HDAC8: variants seen among roughly 807,000 people sequenced by gnomAD.
HDAC8 encodes histone deacetylase-like 1.
A neutral mutation model predicts 32.2 loss-of-function variants in HDAC8; 1 was observed. The ratio of observed to expected loss-of-function variants is 0.03; its 90% CI spans 0.01 to 0.15. The LOEUF is 0.15. Among genes scored for constraint, HDAC8 ranks in the 10% least tolerant of loss-of-function variants. HDAC8 has a pLI of 1.00. For synonymous variants in HDAC8, 108 were observed against 113.9 expected (o/e 0.95, Z 0.33); for missense variants, 117 against 300.0 (o/e 0.39, Z 4.51).
intron 9 of HDAC8, among the ~76,000 whole-genome samples, chrX:72,443,863 G>A (rs1161037223): frequency 4.6e-5 from 5 of 109,285 alleles, no homozygotes; most frequent in Admixed American, 9.7e-5. Context: ...TATCACCACC[G>A]ATCACACAGA....
At chrX:72,378,472 G>A (rs1429257875) in intron 9 of HDAC8, among the ~76,000 whole-genome samples, 2 of 111,920 alleles carry the variant, frequency 1.8e-5, no homozygotes, top group East Asian at 2.8e-4. Flanking sequence ...AGCCAGCACC[G>A]TGCTTCTTGA....
At chrX:72,405,645 A>G (rs2046017365) in intron 9 of HDAC8, among the ~76,000 whole-genome samples, 1 of 112,152 alleles carries the variant, frequency 8.9e-6, no homozygotes, top group Admixed American at 9.4e-5. Context: ...TGGCTTTTTA[A>G]TAATAGCCAT....
chrX:72,396,159 C>CTT (rs2045755275), intron 9 of HDAC8, among the ~76,000 whole-genome samples: 1 of 112,166 alleles, frequency 8.9e-6, no homozygotes, highest in African/African-American at 3.2e-5. Flanking sequence ...TTCTGCCCAC[C>CTT]CTCTCACTTC....
intron 9 of HDAC8, among the ~76,000 whole-genome samples, chrX:72,437,833 C>T (rs2046996258): frequency 8.9e-6 from 1 of 112,390 alleles, no homozygotes; most frequent in Admixed American, 9.4e-5. Context: ...AGAAAGGCAG[C>T]AGCCCCAGTC....
chrX:72,336,473 C>A (rs1373747079), intron 10 of HDAC8, among the ~76,000 whole-genome samples: 1 of 112,808 alleles, frequency 8.9e-6, no homozygotes, highest in Admixed American at 9.4e-5. Flanking sequence ...TTTATTGGGA[C>A]ATAACCCCAC....
At chrX:72,497,627 G>A (rs1556013968) in intron 4 of HDAC8, among the ~76,000 whole-genome samples, 1 of 111,291 alleles carries the variant, frequency 9.0e-6, no homozygotes, top group African/African-American at 3.3e-5. Context: ...CAGGTTTACT[G>A]ATTGAATGAG....
intron 9 of HDAC8, among the ~76,000 whole-genome samples, chrX:72,393,974 G>C (rs2045685888): frequency 9.0e-6 from 1 of 110,844 alleles, no homozygotes; most frequent in Admixed American, 9.6e-5. Context: ...AAAGTGGATG[G>C]GGCTTGGCTC....
chrX:72,381,458 C>T (rs192366423), intron 9 of HDAC8, among the ~76,000 whole-genome samples: 18 of 111,434 alleles, frequency 1.6e-4, no homozygotes, highest in Admixed American at 1.1e-3. Flanking sequence ...ACTCTGCATA[C>T]GAAATCCAAT....
intron 4 of HDAC8, among the ~76,000 whole-genome samples, chrX:72,540,197 T>G (rs1422907273): frequency 1.8e-5 from 2 of 112,840 alleles, no homozygotes; most frequent in Non-Finnish European, 3.7e-5. Flanking sequence ...GAGTGTTATC[T>G]TTATCAGCCA....
At chrX:72,488,296 C>G (rs2048747292) in intron 7 of HDAC8, among the ~76,000 whole-genome samples, 1 of 110,785 alleles carries the variant, frequency 9.0e-6, no homozygotes. Context: ...TCTCTGCCAC[C>G]ACTTGTGCCT....
intron 9 of HDAC8, among the ~76,000 whole-genome samples, chrX:72,433,655 A>T (rs2046876909): frequency 8.9e-6 from 1 of 112,205 alleles, no homozygotes; most frequent in African/African-American, 3.2e-5. Context: ...AAAGGGGTCC[A>T]TGGCCACCCA....
chrX:72,357,410 G>A (rs782581183), intron 9 of HDAC8, among the ~76,000 whole-genome samples: 1 of 110,212 alleles, frequency 9.1e-6, no homozygotes, highest in Non-Finnish European at 1.9e-5. Context: ...TGCTGGGGGT[G>A]GGGGGAGCTT....
intron 4 of HDAC8, among the ~76,000 whole-genome samples, chrX:72,540,412 G>A (rs956204481): frequency 1.8e-5 from 2 of 112,231 alleles, no homozygotes; most frequent in Non-Finnish European, 3.8e-5. Flanking sequence ...CTGACCTGAT[G>A]AAACAGTTTA....
intron 9 of HDAC8, among the ~76,000 whole-genome samples, chrX:72,402,369 G>C (rs1330803150): frequency 1.0e-5 from 1 of 98,441 alleles, no homozygotes; most frequent in Non-Finnish European, 2.1e-5. Flanking sequence ...GCTCTAATCT[G>C]TTATTTCCTC....
chrX:72,565,989 A>C (rs781891795), intron 4 of HDAC8, among the ~76,000 whole-genome samples: 1 of 109,967 alleles, frequency 9.1e-6, no homozygotes, highest in South Asian at 4.0e-4. Flanking sequence ...TCTACAAAAA[A>C]TACAAAAATT....
intron 4 of HDAC8, among the ~76,000 whole-genome samples, chrX:72,503,011 A>G (rs2049276150): frequency 9.0e-6 from 1 of 111,626 alleles, no homozygotes; most frequent in Non-Finnish European, 1.9e-5. Flanking sequence ...CAGAAACTAC[A>G]CCTCTTTGTC....
chrX:72,456,046 A>G (rs1442332454), intron 9 of HDAC8, among the ~76,000 whole-genome samples: 1 of 111,812 alleles, frequency 8.9e-6, no homozygotes, highest in African/African-American at 3.2e-5. Flanking sequence ...CCAATTACAT[A>G]TCTATGTGAA....
intron 9 of HDAC8, among the ~76,000 whole-genome samples, chrX:72,360,352 C>CAA (rs148601239): frequency 4.0e-4 from 40 of 100,623 alleles, no homozygotes; most frequent in African/African-American, 1.4e-3. Flanking sequence ...GAGACTCCGT[C>CAA]AAAAAAAAAA....
chrX:72,515,585 TG>T (rs1355896927), intron 4 of HDAC8, among the ~76,000 whole-genome samples: 2 of 4,531 alleles, frequency 4.4e-4, no homozygotes, highest in African/African-American at 6.1e-3. Flanking sequence ...TTTCAGTGTG[TG>T]TGGGGGGGGG....
Sources: gnomAD v4.1 joint callset for allele counts (sites outside exome capture counted in the v4.1 genomes callset) on GRCh38, gnomAD v4.1.1 for gene constraint, MANE v1.5 for transcripts, NCBI Gene and HGNC (gene_info 2026-07-23, HGNC 2026-07-21) for gene names.